The following SGCZ variants were observed in gnomAD, a reference collection of about 807,000 sequenced individuals.
The protein encoded by SGCZ is sarcoglycan zeta, also known as zeta-sarcoglycan.
Under a neutral mutation model 41.3 loss-of-function variants are expected in SGCZ, and 40 were observed. The observed-to-expected ratio is 0.97, with a 90% confidence interval of 0.75 to 1.26. SGCZ has a LOEUF of 1.26. SGCZ is among the 50% of genes most tolerant of loss of function. The probability of loss-of-function intolerance (pLI) is 0.00; values close to 1 mark genes in which losing one functional copy is unlikely to be tolerated. For missense variants in SGCZ, 552 were observed against 369.8 expected (o/e 1.49, Z -4.04); for synonymous variants, 206 against 137.5 (o/e 1.50, Z -3.49).
intron 4 of SGCZ, among the ~76,000 whole-genome samples, chr8:14,183,092 TA>T (rs1354225150): frequency 5.3e-5 from 8 of 150,376 alleles, no homozygotes; most frequent in African/African-American, 1.5e-4. Flanking sequence ...TAAATAGTAA[TA>T]AAAAACACAT....
chr8:15,142,726 C>A (rs1798925349), intron 1 of SGCZ, among the ~76,000 whole-genome samples: 2 of 151,598 alleles, frequency 1.3e-5, no homozygotes, highest in Non-Finnish European at 2.9e-5. Context: ...ATCCTCCAAC[C>A]TCAGCCTCCC....
At chr8:14,557,579 T>C (rs1380110772) in intron 1 of SGCZ, among the ~76,000 whole-genome samples, 2 of 152,134 alleles carry the variant, frequency 1.3e-5, no homozygotes, top group African/African-American at 2.4e-5. Flanking sequence ...AAGTCCTTGA[T>C]CCATCTTGAG....
At chr8:14,515,997 T>G (rs1338396390) in intron 2 of SGCZ, among the ~76,000 whole-genome samples, 1 of 127,438 alleles carries the variant, frequency 7.8e-6, no homozygotes, top group African/African-American at 3.7e-5. Flanking sequence ...AAGAAATAGT[T>G]TTTTTTTAAT....
rs1355602996 is a variant in SGCZ, at chr8:15,044,680, G to A, written c.39+192905C>T. On this transcript the variant is annotated intron_variant, in intron 1 of 7. Transcript: ENST00000382080. ...CGAAAATGATTCAGGTAGGTGCTATGAGAATAGCAAAACTTGGTAAGATGG... is the reference window on the plus strand; with the variant it reads ...CGAAAATGATTCAGGTAGGTGCTATAAGAATAGCAAAACTTGGTAAGATGG... Among the ~76,000 whole-genome samples the A allele has an allele frequency of 3.3e-5, 5 of 152,224 alleles. No individual in the cohort carries two copies. The East Asian group carries it at 7.7e-4, about 24-fold the overall frequency.
At chr8:15,008,067 CA>C (rs1348879156) in intron 1 of SGCZ, among the ~76,000 whole-genome samples, 1 of 151,798 alleles carries the variant, frequency 6.6e-6, no homozygotes, top group Admixed American at 6.6e-5. Flanking sequence ...ATAAAAATAT[CA>C]AAAAAACTAC....
At chr8:14,290,709 A>G (rs577940926) in intron 3 of SGCZ, among the ~76,000 whole-genome samples, 10 of 142,126 alleles carry the variant, frequency 7.0e-5, no homozygotes, top group Non-Finnish European at 1.2e-4. Context: ...GAATGTGGAG[A>G]ATAGTGAACA....
chr8:14,987,736 C>T (rs1487925607), intron 1 of SGCZ, among the ~76,000 whole-genome samples: 1 of 151,894 alleles, frequency 6.6e-6, no homozygotes, highest in African/African-American at 2.4e-5. Flanking sequence ...AAATCTAAAC[C>T]ATTTACACTT....
intron 2 of SGCZ, among the ~76,000 whole-genome samples, chr8:14,440,404 CATT>C (rs1280731805): frequency 6.6e-6 from 1 of 151,994 alleles, no homozygotes; most frequent in Non-Finnish European, 1.5e-5. Context: ...TGGTCTTCAA[CATT>C]ATTACATTTT....
intron 1 of SGCZ, among the ~76,000 whole-genome samples, chr8:15,159,964 A>C (rs539060218): frequency 2.5e-4 from 38 of 152,060 alleles, no homozygotes; most frequent in African/African-American, 8.7e-4. Context: ...ATAGACGAGT[A>C]GGAGACAGAA....
At chr8:15,144,765 C>G (rs530051896) in intron 1 of SGCZ, among the ~76,000 whole-genome samples, 7 of 152,282 alleles carry the variant, frequency 4.6e-5, no homozygotes, top group African/African-American at 1.7e-4. Context: ...CCAACATTCA[C>G]CTTTTAAAAT....
chr8:14,316,143 T>A (rs1171520101), intron 3 of SGCZ, among the ~76,000 whole-genome samples: 1 of 151,940 alleles, frequency 6.6e-6, no homozygotes, highest in Non-Finnish European at 1.5e-5. Context: ...GTTATTAAAA[T>A]TGATGTAATG....
intron 3 of SGCZ, among the ~76,000 whole-genome samples, chr8:14,293,836 A>C (rs1422450074): frequency 6.6e-6 from 1 of 151,898 alleles, no homozygotes; most frequent in East Asian, 1.9e-4. Flanking sequence ...AGTTGTCTTT[A>C]GAAGATCAAA....
intron 1 of SGCZ, among the ~76,000 whole-genome samples, chr8:15,211,204 C>T (rs1446121610): frequency 2.0e-5 from 3 of 151,372 alleles, no homozygotes; most frequent in Non-Finnish European, 2.9e-5. Flanking sequence ...TATCAACAGA[C>T]AGAATATAAT....
chr8:14,964,962 C>G (rs1801084915), intron 1 of SGCZ, among the ~76,000 whole-genome samples: 2 of 152,116 alleles, frequency 1.3e-5, no homozygotes, highest in African/African-American at 2.4e-5. Context: ...TGTGGGAGCT[C>G]AGGCAGACAG....
chr8:14,174,651 C>T (rs1001921753), intron 4 of SGCZ, among the ~76,000 whole-genome samples: 2 of 152,058 alleles, frequency 1.3e-5, no homozygotes, highest in Non-Finnish European at 2.9e-5. Flanking sequence ...AAATTACCTT[C>T]AAAGAGCAAT....
intron 1 of SGCZ, among the ~76,000 whole-genome samples, chr8:14,723,521 C>T (rs1809956587): frequency 6.6e-6 from 1 of 152,104 alleles, no homozygotes; most frequent in Non-Finnish European, 1.5e-5. Flanking sequence ...CAGGACAGCT[C>T]CACGGAGCCT....
At position 14,356,772 on chromosome 8, in the gene SGCZ, G is replaced by A. The variant is rs371852114; in HGVS notation, c.235-32568C>T. Among the ~76,000 whole-genome samples, 23 of 151,906 alleles carry A rather than the reference G, an allele frequency of 1.5e-4. No homozygotes were observed. In the East Asian group the frequency reaches 3.1e-3, roughly 20 times the overall value. On this transcript the variant is annotated intron_variant, in intron 2 of 7. Transcript: ENST00000382080. ...CAATATCACTAATTCAAGAAAATAC[G>A]ATTGCAAATAATACTAGGTAGGGCC...
intron 4 of SGCZ, among the ~76,000 whole-genome samples, chr8:14,196,509 A>G (rs1309192926): frequency 6.6e-6 from 1 of 152,228 alleles, no homozygotes; most frequent in South Asian, 2.1e-4. Context: ...CAAATTGACT[A>G]CATGAAACAG....
chr8:15,115,378 G>C (rs1807228950), intron 1 of SGCZ, among the ~76,000 whole-genome samples: 1 of 152,142 alleles, frequency 6.6e-6, no homozygotes, highest in African/African-American at 2.4e-5. Flanking sequence ...CTTCCTATGA[G>C]GACATGACTG....
Sources: gnomAD v4.1 joint callset for allele counts (sites outside exome capture counted in the v4.1 genomes callset) on GRCh38, gnomAD v4.1.1 for gene constraint, MANE v1.5 for transcripts, NCBI Gene and HGNC (gene_info 2026-07-23, HGNC 2026-07-21) for gene names.